RFX2: variants seen among roughly 807,000 people sequenced by gnomAD.
The protein encoded by RFX2 is regulatory factor X2.
A neutral mutation model predicts 87.8 loss-of-function variants in RFX2; 20 were observed. That is an observed-to-expected ratio of 0.23 (90% CI 0.16 to 0.33). The LOEUF (loss-of-function observed/expected upper bound fraction) is 0.33. Among genes scored for constraint, RFX2 ranks in the 10% least tolerant of loss-of-function variants. RFX2 has a pLI of 1.00. For missense variants in RFX2, 767 were observed against 1,012.3 expected (o/e 0.76, Z 3.29); for synonymous variants, 397 against 431.3 (o/e 0.92, Z 0.98).
At chr19:6,042,344 T>C (rs1361503932) in intron 3 of RFX2, among the ~76,000 whole-genome samples, 1 of 152,212 alleles carries the variant, frequency 6.6e-6, no homozygotes, top group Non-Finnish European at 1.5e-5. Context: ...CTGCGACTGA[T>C]CCCCAGAGCT....
Position 6,007,612 on chromosome 19 carries a change from G to T in RFX2, c.1247+78C>A. The T allele has an allele frequency of 3.6e-6, 3 of 823,084 alleles. No homozygotes were observed. The highest frequency in any genetic ancestry group is 4.1e-6 in the Non-Finnish European group (2 of 491,488). 51.0% of individuals were successfully genotyped at this position (823,084 alleles called of 1,614,324 possible). A position where few individuals can be genotyped will look rare whatever the true frequency, so the allele number is the denominator to read the frequency against. ...TGATTCTTGGAGAGCTGAGGCTTTC[G>T]TTTGTGGGTTACCTGTGGACGTCAG... On this transcript the variant is annotated intron_variant, in intron 11 of 17. Coordinates refer to ENST00000303657, the MANE Select transcript of RFX2 (RefSeq NM_000635.4). The surrounding 1 kb of genome is among the most constrained non-coding windows in gnomAD (Gnocchi z 8.2).
intron 1 of RFX2, chr19:6,068,164 A>C (rs927245880): frequency 6.6e-6 from 1 of 152,184 alleles, no homozygotes; most frequent in Non-Finnish European, 1.5e-5. Context: ...GGCTTTGCTT[A>C]GGGGACACGG....
chr19:6,037,736 C>A (rs371514852), intron 5 of RFX2, among the ~76,000 whole-genome samples: 1 of 152,200 alleles, frequency 6.6e-6, no homozygotes, highest in African/African-American at 2.4e-5. Context: ...GTGGGAGGAA[C>A]CATCCTCTTC....
chr19:6,005,509 C>T (rs532806942), intron 12 of RFX2, among the ~76,000 whole-genome samples: 1 of 152,204 alleles, frequency 6.6e-6, no homozygotes, highest in Non-Finnish European at 1.5e-5. Context: ...CCCGAGGGCT[C>T]CCTCGTGGTG....
chr19:6,054,623 A>G (rs1390844957), intron 1 of RFX2, among the ~76,000 whole-genome samples: 1 of 152,204 alleles, frequency 6.6e-6, no homozygotes, highest in Non-Finnish European at 1.5e-5. Flanking sequence ...GCAATTCAAC[A>G]GAGAAAGAAG....
chr19:6,051,668 T>A (rs983386232), intron 1 of RFX2, among the ~76,000 whole-genome samples: 1 of 152,164 alleles, frequency 6.6e-6, no homozygotes, highest in Non-Finnish European at 1.5e-5. Flanking sequence ...AATGGCAGAA[T>A]TGCTTTGCTA....
chr19:6,059,774 C>T (rs931806380), intron 1 of RFX2, among the ~76,000 whole-genome samples: 2 of 152,244 alleles, frequency 1.3e-5, no homozygotes, highest in Non-Finnish European at 2.9e-5. Flanking sequence ...TACATGTATA[C>T]ACAAAAGTAC....
rs2086721699 is a variant in RFX2 at position 6,016,039 on chromosome 19, T to C, written c.779+51A>G. On this transcript the variant is annotated intron_variant, in intron 7 of 17. Coordinates refer to ENST00000303657, the MANE Select transcript of RFX2 (RefSeq NM_000635.4). The surrounding 1 kb of genome is among the most constrained non-coding windows in gnomAD (Gnocchi z 5.4). Reference sequence around the variant, plus strand: ...CCTCGCATTTTCCCAAAAGCTCCATTTCTTGGGAAAGGAAGAGGAAGAACA... The same window carrying C: ...CCTCGCATTTTCCCAAAAGCTCCATCTCTTGGGAAAGGAAGAGGAAGAACA... 1 of 1,506,110 alleles carries C rather than the reference T, an allele frequency of 6.6e-7. No individual in the cohort carries two copies. The highest frequency in any genetic ancestry group is 8.9e-7 in the Non-Finnish European group (1 of 1,118,882). The allele number at this position is 1,506,110 out of a possible 1,614,324, so 93.3% of individuals were successfully genotyped here. A position where few individuals can be genotyped will look rare whatever the true frequency, so the allele number is the denominator to read the frequency against.
rs61221765 is a variant in RFX2 at position 6,083,562 on chromosome 19, T to TTA, written c.-9+26830_-9+26831insTA. On this transcript the variant is annotated intron_variant, in intron 1 of 17. Transcript: ENST00000303657. The surrounding 1 kb of genome is among the most constrained non-coding windows in gnomAD (Gnocchi z 4.6). ...TCTGCTGACCCGTTTTTTTTTTTTTTAATTTTTATTCATTTATTTATTTAT... is the reference window on the plus strand; with the variant it reads ...TCTGCTGACCCGTTTTTTTTTTTTTTTAAATTTTTATTCATTTATTTATTTAT... Among the ~76,000 whole-genome samples the TTA allele has an allele frequency of 1.1e-4, 17 of 148,956 alleles. No individual in the cohort carries two copies. Among genetic ancestry groups the TTA allele is most frequent in the African/African-American group, 3.9e-4 (16 of 40,516 alleles).
In RFX2 at chr19:5,998,446, A is replaced by G. The variant is rs906232215; in HGVS notation, c.1860-1233T>C. Among the ~76,000 whole-genome samples, 14 of 152,336 alleles carry G rather than the reference A, an allele frequency of 9.2e-5. No individual in the cohort carries two copies. The highest frequency in any genetic ancestry group is 3.4e-4 in the African/African-American group (14 of 41,582). On this transcript the variant is annotated intron_variant, in intron 15 of 17. Coordinates refer to ENST00000303657, the MANE Select transcript of RFX2 (RefSeq NM_000635.4). This position sits in a 1 kb window ranked among gnomAD's most constrained non-coding sequence, Gnocchi z 4.2. ...GCCCAACTGCCCCGGCTCGAAGTAT[A>G]CTTTCATAAACTCTGTTACGTCTAA...
rs990292611 is a variant in RFX2, at chr19:6,013,321, G to A, written c.780-216C>T. ...CTGCCTCAGCCTCCCAAGTAGCTGG[G>A]ATGACAGGCGTGAGCCATAATGCCT... On this transcript the variant is annotated intron_variant, in intron 7 of 17. Transcript: ENST00000303657. The surrounding 1 kb of genome is among the most constrained non-coding windows in gnomAD (Gnocchi z 4.1). 6.6e-6 allele frequency among the ~76,000 whole-genome samples: 1 copy of A among 151,828 alleles called. No homozygotes were observed. Among genetic ancestry groups the A allele is most frequent in the African/African-American group, 2.4e-5 (1 of 41,318 alleles).
Position 6,064,112 on chromosome 19 carries a change from A to T in RFX2, c.-8-16608T>A, listed in dbSNP as rs1029116260. 6.6e-6 allele frequency among the ~76,000 whole-genome samples: 1 copy of T among 152,108 alleles called. No homozygotes were observed. The highest frequency in any genetic ancestry group is 2.4e-5 in the African/African-American group (1 of 41,424). Reference sequence around the variant, plus strand: ...ATCCCTCACCCCAACCCCAGACCCTACGTAGCACATTGCCTGCAAAGATGC... The same window carrying T: ...ATCCCTCACCCCAACCCCAGACCCTTCGTAGCACATTGCCTGCAAAGATGC... On this transcript the variant is annotated intron_variant, in intron 1 of 17. Coordinates refer to ENST00000303657, the MANE Select transcript of RFX2 (RefSeq NM_000635.4). The surrounding 1 kb of genome is among the most constrained non-coding windows in gnomAD (Gnocchi z 4.8).
rs193174280 is a variant in RFX2, at chr19:6,061,071, G to C, written c.-8-13567C>G. Reference sequence around the variant, plus strand: ...GGCACTGGGCATCTCCCTGCGCCCCGGGACACGTGTCGCTGGTGACTCAGC... The same window carrying C: ...GGCACTGGGCATCTCCCTGCGCCCCCGGACACGTGTCGCTGGTGACTCAGC... On this transcript the variant is annotated intron_variant, in intron 1 of 17. Transcript: ENST00000303657. This position sits in a 1 kb window ranked among gnomAD's most constrained non-coding sequence, Gnocchi z 5.2. Among the ~76,000 whole-genome samples the C allele has an allele frequency of 6.6e-6, 1 of 152,092 alleles. No homozygotes were observed.
intron 1 of RFX2, among the ~76,000 whole-genome samples, chr19:6,088,009 A>T (rs1349168454): frequency 1.3e-5 from 2 of 152,086 alleles, no homozygotes; most frequent in Non-Finnish European, 2.9e-5. Context: ...GAACTGGCTT[A>T]ACCCGCCAGG....
intron 3 of RFX2, among the ~76,000 whole-genome samples, chr19:6,043,830 C>T (rs1389913448): frequency 6.6e-6 from 1 of 152,172 alleles, no homozygotes; most frequent in Non-Finnish European, 1.5e-5. Context: ...TCTGTTGTGC[C>T]CGCATCTGAG....
chr19:6,048,715 G>GA (rs989798396), intron 1 of RFX2, among the ~76,000 whole-genome samples: 1 of 152,110 alleles, frequency 6.6e-6, no homozygotes, highest in Admixed American at 6.5e-5. Flanking sequence ...TATAATGAGT[G>GA]AAAAAAATTT....
At chr19:6,097,087 A>T (rs1341693700) in intron 1 of RFX2, among the ~76,000 whole-genome samples, 1 of 152,234 alleles carries the variant, frequency 6.6e-6, no homozygotes, top group African/African-American at 2.4e-5. Flanking sequence ...TATAGGAAGT[A>T]GTGAGTAGAA....
chr19:6,107,614 C>A, intron 1 of RFX2, among the ~76,000 whole-genome samples: 1 of 50,776 alleles, frequency 2.0e-5, no homozygotes. Flanking sequence ...GAGACCCTGT[C>A]TCAAAAAAAA....
chr19:6,108,080 C>A (rs983671486), intron 1 of RFX2, among the ~76,000 whole-genome samples: 1 of 152,168 alleles, frequency 6.6e-6, no homozygotes, highest in Non-Finnish European at 1.5e-5. Context: ...GCTTTTCCTG[C>A]AGGAGCAAAC....
Sources: allele counts gnomAD v4.1 joint callset (sites outside exome capture counted in the v4.1 genomes callset), GRCh38; gene constraint gnomAD v4.1.1; non-coding constraint Gnocchi (gnomAD v3.1); transcripts MANE v1.5; gene names NCBI Gene and HGNC (gene_info 2026-07-23, HGNC 2026-07-21).